The following ANO4 variants were observed in gnomAD, a reference collection of about 807,000 sequenced individuals.
ANO4 encodes anoctamin 4.
Under a neutral mutation model 141.9 loss-of-function variants are expected in ANO4, and 69 were observed. The ratio of observed to expected loss-of-function variants is 0.49; its 90% confidence interval spans 0.40 to 0.59. ANO4 has a LOEUF of 0.59. Ranked by LOEUF, ANO4 falls within the 20% of genes least tolerant of loss-of-function variation. ANO4 has a pLI of 0.00. For missense variants in ANO4, 894 were observed against 1,162.2 expected, an observed-to-expected ratio of 0.77 and a Z score of 3.36; for synonymous variants, 350 against 394.3, an observed-to-expected ratio of 0.89 and a Z score of 1.33.
At chr12:100,802,472 C>A (rs200953243) in intron 1 of ANO4, among the ~76,000 whole-genome samples, 2 of 152,080 alleles carry the variant, frequency 1.3e-5, no homozygotes, top group African/African-American at 4.8e-5. Flanking sequence ...TAGATCTGAC[C>A]AGATGACTCT....
chr12:100,842,980 G>C (rs561815929), intron 1 of ANO4, among the ~76,000 whole-genome samples: 21 of 152,162 alleles, frequency 1.4e-4, no homozygotes, highest in Non-Finnish European at 2.5e-4. Context: ...CAAACTCCAG[G>C]ATGACATAAT....
At chr12:101,124,157 A>T (rs954823328) in intron 26 of ANO4, among the ~76,000 whole-genome samples, 3 of 152,228 alleles carry the variant, frequency 2.0e-5, no homozygotes, top group African/African-American at 7.2e-5. Context: ...AATAATCAAC[A>T]TTCTGACTGG....
intron 3 of ANO4, among the ~76,000 whole-genome samples, chr12:100,748,655 C>T (rs2032222979): frequency 6.6e-6 from 1 of 152,178 alleles, no homozygotes; most frequent in South Asian, 2.1e-4. Context: ...TTAGACCATT[C>T]ACAAGTAAAG....
intron 17 of ANO4, 126 bp from the exon 18 acceptor site, chr12:101,094,130 T>C: frequency 2.9e-6 from 2 of 693,968 alleles, no homozygotes; most frequent in Non-Finnish European, 4.9e-6. Flanking sequence ...AATGTTTTCA[T>C]TGGTTGAGCA....
At chr12:100,873,776 A>G (rs2039150839) in intron 1 of ANO4, among the ~76,000 whole-genome samples, 1 of 152,266 alleles carries the variant, frequency 6.6e-6, no homozygotes, top group Admixed American at 6.5e-5. Flanking sequence ...GGCTGCAGAA[A>G]TTTGCATAAG....
intron 1 of ANO4, among the ~76,000 whole-genome samples, chr12:100,836,349 A>T (rs1018791944): frequency 1.8e-4 from 28 of 152,082 alleles, no homozygotes; most frequent in African/African-American, 5.3e-4. Flanking sequence ...TTATATATAT[A>T]TTTTTATTAT....
chr12:100,997,324 T>C (rs1237391905), intron 8 of ANO4, among the ~76,000 whole-genome samples: 34 of 130,488 alleles, frequency 2.6e-4, no homozygotes, highest in African/African-American at 8.1e-4. Context: ...AGAGCGAGAC[T>C]CTGTCTCAAA....
At chr12:100,833,571 A>G (rs1308802424) in intron 1 of ANO4, among the ~76,000 whole-genome samples, 1 of 151,972 alleles carries the variant, frequency 6.6e-6, no homozygotes, top group Non-Finnish European at 1.5e-5. Context: ...TCCAATTAAG[A>G]GGTTCTTCTA....
intron 8 of ANO4, among the ~76,000 whole-genome samples, chr12:101,012,251 G>T (rs2046128494): frequency 6.6e-6 from 1 of 152,086 alleles, no homozygotes; most frequent in South Asian, 2.1e-4. Context: ...TGTAGGGGGA[G>T]AGGGGCAGAC....
chr12:100,876,278 C>CA (rs79799106), intron 1 of ANO4, among the ~76,000 whole-genome samples: 20,454 of 91,766 alleles, frequency 0.22, 2,289 homozygotes, highest in East Asian at 0.48. Context: ...ATATAAAGAC[C>CA]AAAAAAAAAA....
chr12:101,060,899 T>C (rs2048320041), intron 14 of ANO4, among the ~76,000 whole-genome samples: 1 of 152,220 alleles, frequency 6.6e-6, no homozygotes, highest in Non-Finnish European at 1.5e-5. Flanking sequence ...AATATTGTTA[T>C]GTGTGAATTT....
At chr12:100,974,645 A>G (rs1175842836) in intron 6 of ANO4, 200 bp from the exon 7 acceptor site, 4 of 641,516 alleles carry the variant, frequency 6.2e-6, no homozygotes, top group Non-Finnish European at 1.1e-5. Flanking sequence ...ATCAATGGAA[A>G]CTGTTTCATA....
rs10641222 is a variant in ANO4 at position 100,912,417 on chromosome 12, G to GAAA, written c.56-9797_56-9795dup. Among the ~76,000 whole-genome samples, 368 of 120,982 alleles carry GAAA rather than the reference G, an allele frequency of 3.0e-3. 2 individuals carry two copies. Among genetic ancestry groups the GAAA allele is most frequent in the African/African-American group, 9.9e-3 (317 of 31,926 alleles). 79.4% of individuals were successfully genotyped at this position (120,982 alleles called of 152,430 possible). On this transcript the variant is annotated intron_variant, in intron 2 of 27. Transcript: ENST00000392977. ...CAAAAAAAAAAAAAAAAAGAAAAAA[G>GAAA]AAAAAAAAAAAAAAGCTGAAGCAGG...
intron 6 of ANO4, among the ~76,000 whole-genome samples, chr12:100,973,327 A>G (rs2044011296): frequency 6.6e-6 from 1 of 152,206 alleles, no homozygotes; most frequent in Admixed American, 6.5e-5. Flanking sequence ...ATGTACAAAC[A>G]TCATTTTAGC....
At chr12:101,072,702 G>A (rs1259280473) in intron 14 of ANO4, among the ~76,000 whole-genome samples, 2 of 151,988 alleles carry the variant, frequency 1.3e-5, no homozygotes, top group African/African-American at 2.4e-5. Flanking sequence ...CTGACAAAGG[G>A]CTAATATCCA....
chr12:100,864,359 G>A (rs1470007988), intron 1 of ANO4, among the ~76,000 whole-genome samples: 1 of 152,112 alleles, frequency 6.6e-6, no homozygotes, highest in Non-Finnish European at 1.5e-5. Context: ...AATTAAGATT[G>A]CTGTTAGCAG....
chr12:100,751,545 A>G (rs971802279), intron 3 of ANO4, among the ~76,000 whole-genome samples: 1 of 152,070 alleles, frequency 6.6e-6, no homozygotes, highest in African/African-American at 2.4e-5. Context: ...ATAAGGATAC[A>G]ACTGATTTGT....
rs59975425 is a variant in ANO4, at chr12:100,991,513, T to TAAA, written c.734+3862_734+3864dup. Among the ~76,000 whole-genome samples, 354 of 111,018 alleles carry TAAA rather than the reference T, an allele frequency of 3.2e-3. 10 individuals carry two copies. Among genetic ancestry groups the TAAA allele is most frequent in the African/African-American group, 9.0e-3 (265 of 29,454 alleles). The allele number at this position is 111,018 out of a possible 152,430, so 72.8% of individuals were successfully genotyped here. On this transcript the variant is annotated intron_variant, in intron 8 of 27. Transcript: ENST00000392977. Reference sequence around the variant, plus strand: ...AGGTGGGAGGAGGGCATGAAAATAGTAAAAAAAAAAAAAAAAAAAAAGAGA... The same window carrying TAAA: ...AGGTGGGAGGAGGGCATGAAAATAGTAAAAAAAAAAAAAAAAAAAAAAAAGAGA...
intron 3 of ANO4, among the ~76,000 whole-genome samples, chr12:100,747,428 C>A (rs952951570): frequency 1.3e-5 from 2 of 152,160 alleles, no homozygotes; most frequent in African/African-American, 4.8e-5. Context: ...TGTCATGAAT[C>A]AAACCTCCTC....
Sources: allele counts gnomAD v4.1 joint callset (sites outside exome capture counted in the v4.1 genomes callset), GRCh38; gene constraint gnomAD v4.1.1; transcripts MANE v1.5; gene names NCBI Gene and HGNC (gene_info 2026-07-23, HGNC 2026-07-21).